KALRN: variants seen among roughly 807,000 people sequenced by gnomAD.
The protein encoded by KALRN is kalirin.
A neutral mutation model predicts 353.7 loss-of-function variants in KALRN; 70 were observed. The observed-to-expected ratio is 0.20, with a 90% confidence interval of 0.16 to 0.24. The LOEUF (loss-of-function observed/expected upper bound fraction) is 0.24, where lower values mean the gene tolerates loss of function less well. Among genes scored for constraint, KALRN ranks in the 10% least tolerant of loss-of-function variants. The pLI, the probability that KALRN is intolerant of heterozygous loss-of-function variation, is 1.00. For missense variants in KALRN, 2,791 were observed against 3,756.7 expected (o/e 0.74, Z 6.72); for synonymous variants, 1,391 against 1,434.8 (o/e 0.97, Z 0.69).
chr3:124,535,275 T>C (rs143494507), intron 33 of KALRN, among the ~76,000 whole-genome samples: 3 of 152,302 alleles, frequency 2.0e-5, no homozygotes, highest in Admixed American at 2.0e-4. Context: ...TGTACAGATA[T>C]GCTCACAAAA....
intron 29 of KALRN, among the ~76,000 whole-genome samples, chr3:124,490,295 A>T (rs1322583454): frequency 6.6e-6 from 1 of 152,238 alleles, no homozygotes; most frequent in Non-Finnish European, 1.5e-5. Flanking sequence ...GAAGACACTC[A>T]GTCAGGCAGT....
intron 6 of KALRN, among the ~76,000 whole-genome samples, chr3:124,302,914 A>G (rs2077380477): frequency 6.6e-6 from 1 of 152,138 alleles, no homozygotes. Flanking sequence ...ATTAGATCCC[A>G]CCCTAATGGC....
At chr3:124,667,259 T>C in intron 47 of KALRN, 76 bp downstream of exon 47, 1 of 1,316,744 alleles carries the variant, frequency 7.6e-7, no homozygotes, top group Non-Finnish European at 1.0e-6. Context: ...GGGTCTAGGT[T>C]CATGTTGAGT....
intron 51 of KALRN, chr3:124,679,833 T>C (rs1380577574): frequency 2.0e-5 from 8 of 406,946 alleles, no homozygotes; most frequent in Non-Finnish European, 3.7e-5. Context: ...TAGAACACAT[T>C]TTTTCATGGA....
chr3:124,574,762 T>C (rs994396543), intron 34 of KALRN, among the ~76,000 whole-genome samples: 2 of 152,196 alleles, frequency 1.3e-5, no homozygotes, highest in Non-Finnish European at 2.9e-5. Flanking sequence ...TGAATGTGAC[T>C]TGAGGAAAAG....
intron 51 of KALRN, among the ~76,000 whole-genome samples, chr3:124,686,929 C>A (rs1006161802): frequency 2.0e-5 from 3 of 151,002 alleles, no homozygotes; most frequent in Admixed American, 6.6e-5. Context: ...ACCCTCCCAC[C>A]CTCAGCCTCC....
intron 33 of KALRN, among the ~76,000 whole-genome samples, chr3:124,526,678 T>C (rs761719708): frequency 3.9e-5 from 6 of 152,102 alleles, no homozygotes; most frequent in Non-Finnish European, 8.8e-5. Context: ...GTCACATCTT[T>C]GGTAAATGTT....
chr3:124,681,670 C>T (rs1196195736), intron 51 of KALRN, among the ~76,000 whole-genome samples: 1 of 131,538 alleles, frequency 7.6e-6, no homozygotes, highest in African/African-American at 2.9e-5. Context: ...GTCTCTGTCA[C>T]ACAGGCTGGA....
chr3:124,140,817 G>C (rs375124575), intron 1 of KALRN, among the ~76,000 whole-genome samples: 2 of 152,196 alleles, frequency 1.3e-5, no homozygotes, highest in East Asian at 3.9e-4. Flanking sequence ...GGGAGTAGGG[G>C]AGGGCTGGTC....
chr3:124,245,119 A>G (rs1321493738), intron 3 of KALRN, among the ~76,000 whole-genome samples: 1 of 152,178 alleles, frequency 6.6e-6, no homozygotes, highest in Non-Finnish European at 1.5e-5. Flanking sequence ...TTTTGTACCT[A>G]TTAATCACCC....
At chr3:124,125,861 G>T (rs2064593858) in intron 1 of KALRN, among the ~76,000 whole-genome samples, 2 of 152,170 alleles carry the variant, frequency 1.3e-5, no homozygotes, top group Admixed American at 1.3e-4. Context: ...TGCTTAATTA[G>T]GAGTGGGCTG....
intron 1 of KALRN, among the ~76,000 whole-genome samples, chr3:124,083,500 G>C (rs144385531): frequency 8.1e-4 from 124 of 152,226 alleles, no homozygotes; most frequent in African/African-American, 2.9e-3. Context: ...GCATGGAAAC[G>C]TGAAGGCTGA....
chr3:124,492,505 C>T (rs1003887547), intron 31 of KALRN, among the ~76,000 whole-genome samples: 4 of 152,194 alleles, frequency 2.6e-5, no homozygotes. Flanking sequence ...AATACTTTGA[C>T]AGTTACTCCC....
At chr3:124,664,098 G>A (rs556655450) in intron 45 of KALRN, among the ~76,000 whole-genome samples, 7 of 152,178 alleles carry the variant, frequency 4.6e-5, no homozygotes, top group South Asian at 2.1e-4. Flanking sequence ...TTTTTCTTCC[G>A]TCATACTGGG....
chr3:124,449,728 C>T (rs540155726), intron 21 of KALRN, among the ~76,000 whole-genome samples: 4 of 152,328 alleles, frequency 2.6e-5, no homozygotes, highest in Admixed American at 6.5e-5. Context: ...CCCCTGGCAA[C>T]TACTCATCTG....
At chr3:124,205,469 A>G (rs2076333951) in intron 1 of KALRN, among the ~76,000 whole-genome samples, 1 of 152,212 alleles carries the variant, frequency 6.6e-6, no homozygotes, top group Non-Finnish European at 1.5e-5. Flanking sequence ...TTTCACATCT[A>G]TGAAATGCAG....
At chr3:124,335,786 T>C (rs2081077822) in intron 9 of KALRN, among the ~76,000 whole-genome samples, 2 of 152,166 alleles carry the variant, frequency 1.3e-5, no homozygotes, top group African/African-American at 4.8e-5. Context: ...AAAATAACAA[T>C]TCACTCTCCT....
intron 5 of KALRN, among the ~76,000 whole-genome samples, chr3:124,280,519 C>T (rs1580426311): frequency 6.6e-6 from 1 of 152,178 alleles, no homozygotes; most frequent in African/African-American, 2.4e-5. Context: ...GGGCTCTAAA[C>T]TCTTTAATGC....
chr3:124,548,553 T>G (rs1161567174), intron 33 of KALRN, among the ~76,000 whole-genome samples: 2 of 152,206 alleles, frequency 1.3e-5, no homozygotes, highest in African/African-American at 4.8e-5. Context: ...GGACAGAAGG[T>G]CTAGAAGGGA....
Sources: gnomAD v4.1 joint callset for allele counts (sites outside exome capture counted in the v4.1 genomes callset) on GRCh38, gnomAD v4.1.1 for gene constraint, MANE v1.5 for transcripts, NCBI Gene and HGNC (gene_info 2026-07-23, HGNC 2026-07-21) for gene names.